The following SETD7 variants were observed in gnomAD, a reference collection of about 807,000 sequenced individuals.
SETD7 encodes the protein SET domain containing 7, histone lysine methyltransferase.
Under a neutral mutation model 41.8 loss-of-function variants are expected in SETD7, and 16 were observed. That is an observed-to-expected ratio of 0.38 (90% CI 0.26 to 0.58). SETD7 has a LOEUF of 0.58. SETD7 is among the 20% of genes least tolerant of loss of function. SETD7 has a pLI of 0.64. For missense variants in SETD7, 346 were observed against 459.7 expected (o/e 0.75, Z 2.26); for synonymous variants, 163 against 169.7 (o/e 0.96, Z 0.31).
chr4:139,553,629 GGAT>G (rs1728173530), intron 1 of SETD7, among the ~76,000 whole-genome samples: 1 of 152,114 alleles, frequency 6.6e-6, no homozygotes, highest in Non-Finnish European at 1.5e-5. Context: ...TGTAAAATTA[GGAT>G]AATATTAGTA....
rs937150959 is a variant in SETD7 at position 139,507,998 on chromosome 4, C to T, written c.*3665G>A. The T allele has an allele frequency of 2.6e-5, 4 of 152,192 alleles. No homozygotes were observed. The highest frequency in any genetic ancestry group is 9.7e-5 in the African/African-American group (4 of 41,444). The allele number at this position is 152,192 out of a possible 1,614,324, so 9.4% of individuals were successfully genotyped here. ...GCAAAACAGAAAATGATACCTCTAC[C>T]TTCTTGGAAGATTTTAAATGCATGT... is the stretch of plus-strand genomic sequence containing the variant. On this transcript the variant is annotated 3_prime_UTR_variant, in exon 8 of 8. Transcript: ENST00000274031.
At chr4:139,525,117 G>C (rs189254278) in intron 4 of SETD7, among the ~76,000 whole-genome samples, 1 of 152,092 alleles carries the variant, frequency 6.6e-6, no homozygotes, top group Non-Finnish European at 1.5e-5. Flanking sequence ...GTGCCCAGCC[G>C]TCACTTTTTA....
At chr4:139,497,224 G>A (rs961344822) in intron 7 of SETD7, among the ~76,000 whole-genome samples, 48 of 152,158 alleles carry the variant, frequency 3.2e-4, no homozygotes, top group Admixed American at 2.7e-3. Flanking sequence ...GGAGGCCGAG[G>A]TGGGCGAATC....
At chr4:139,518,681 A>G (rs1220412209) in intron 6 of SETD7, among the ~76,000 whole-genome samples, 1 of 152,254 alleles carries the variant, frequency 6.6e-6, no homozygotes, top group Admixed American at 6.5e-5. Context: ...AAAACAAAGT[A>G]AGAACACAAA....
intron 2 of SETD7, among the ~76,000 whole-genome samples, chr4:139,533,876 T>C (rs1727560592): frequency 6.6e-6 from 1 of 152,214 alleles, no homozygotes; most frequent in African/African-American, 2.4e-5. Flanking sequence ...TTATTTATCA[T>C]TAATAGCCGT....
chr4:139,528,955 A>G, intron 4 of SETD7, 76 bp downstream of exon 4: 1 of 1,271,870 alleles, frequency 7.9e-7, no homozygotes. Flanking sequence ...AGGAAAAGAA[A>G]AGAAGCTTGT....
chr4:139,541,741 T>G (rs1727783498), intron 2 of SETD7, among the ~76,000 whole-genome samples: 1 of 152,272 alleles, frequency 6.6e-6, no homozygotes, highest in Admixed American at 6.5e-5. Flanking sequence ...CTTAATAAGC[T>G]GGTTGTAGTA....
At chr4:139,517,627 AC>A (rs1307633531) in intron 7 of SETD7, among the ~76,000 whole-genome samples, 1 of 152,152 alleles carries the variant, frequency 6.6e-6, no homozygotes. Flanking sequence ...TAAAACAGCA[AC>A]CCCTCGGTGT....
intron 7 of SETD7, among the ~76,000 whole-genome samples, chr4:139,499,779 G>C (rs1313479838): frequency 6.6e-6 from 1 of 152,132 alleles, no homozygotes; most frequent in African/African-American, 2.4e-5. Context: ...TGCAACATCT[G>C]CTGTTCTCAG....
At chr4:139,523,465 G>A (rs1727237699) in intron 4 of SETD7, 30 bp from the exon 5 acceptor site, 3 of 1,512,536 alleles carry the variant, frequency 2.0e-6, no homozygotes, top group Non-Finnish European at 2.8e-6. Flanking sequence ...ACCAGTATAG[G>A]TGCAGAGTTA....
Position 139,522,807 on chromosome 4 carries a change from G to A in SETD7, c.644+547C>T, listed in dbSNP as rs796793259. ...CTTGCTCTGTTGCTCAGGCTGGAGT[G>A]CAGTGGCATGATCTCGGCTCACTGT... On this transcript the variant is annotated intron_variant, in intron 5 of 7. Coordinates refer to ENST00000274031, the MANE Select transcript of SETD7 (RefSeq NM_030648.4). 3.5e-5 allele frequency among the ~76,000 whole-genome samples: 5 copies of A among 143,966 alleles called. No individual in the cohort carries two copies. The South Asian group carries it at 9.1e-4, about 26-fold the overall frequency. The allele number at this position is 143,966 out of a possible 152,430, so 94.4% of individuals were successfully genotyped here.
intron 7 of SETD7, among the ~76,000 whole-genome samples, chr4:139,517,299 A>G (rs1320170540): frequency 3.9e-5 from 6 of 152,118 alleles, no homozygotes; most frequent in Non-Finnish European, 8.8e-5. Flanking sequence ...ACATGGTGAA[A>G]ACCCATCTCT....
At chr4:139,504,493 T>G (rs1052009088), downstream of SETD7, among the ~76,000 whole-genome samples, 1 of 152,066 alleles carries the variant, frequency 6.6e-6, no homozygotes, top group Non-Finnish European at 1.5e-5. Flanking sequence ...AGAGGAGGAA[T>G]GGAATTTCTT....
chr4:139,556,066 C>G, intron 1 of SETD7, 32 bp downstream of exon 1: 2 of 1,577,424 alleles, frequency 1.3e-6, no homozygotes, highest in Non-Finnish European at 1.7e-6. Context: ...CCCTCTGCGC[C>G]TCCTCCCCCG....
chr4:139,516,266 G>T (rs1239794488), intron 7 of SETD7, among the ~76,000 whole-genome samples: 1 of 122,600 alleles, frequency 8.2e-6, no homozygotes. Flanking sequence ...AGGAGTTCAA[G>T]ACCAGCCTGG....
At position 139,511,770 on chromosome 4, in the gene SETD7, T is replaced by A. The variant is rs1454551556; in HGVS notation, c.994A>T (p.Thr332Ser). Residue 332 changes from threonine to serine, a missense_variant, in exon 8 of 8, where the codon ACC becomes TCC. Coordinates refer to ENST00000274031, the MANE Select transcript of SETD7 (RefSeq NM_030648.4). ...LRAVEADEEL[T>S]VAYGYDHSPP... ...CTGTGGTCATAGCCATAGGCAACGG[T>A]GAGCTCTTCATCGGCCTCCACTGCT... The A allele has an allele frequency of 6.2e-7, 1 of 1,614,064 alleles. No homozygotes were observed. The highest frequency in any genetic ancestry group is 8.5e-7 in the Non-Finnish European group (1 of 1,180,026).
intron 7 of SETD7, among the ~76,000 whole-genome samples, chr4:139,516,958 A>G (rs912780536): frequency 6.6e-6 from 1 of 152,118 alleles, no homozygotes; most frequent in African/African-American, 2.4e-5. Flanking sequence ...TCTACTTTCT[A>G]TCTCTGTGGA....
chr4:139,526,274 A>ATT (rs35426583), intron 4 of SETD7, among the ~76,000 whole-genome samples: 1,580 of 141,302 alleles, frequency 0.011, 23 homozygotes, highest in African/African-American at 0.034. Context: ...ACTCTCAACA[A>ATT]TTTTTTTTTT....
intron 7 of SETD7, among the ~76,000 whole-genome samples, chr4:139,499,258 CCCTT>C (rs1474771678): frequency 6.6e-6 from 1 of 152,190 alleles, no homozygotes; most frequent in Non-Finnish European, 1.5e-5. Flanking sequence ...TTGAACTGGT[CCCTT>C]CCTTGTTCAA....
Sources: allele counts gnomAD v4.1 joint callset (sites outside exome capture counted in the v4.1 genomes callset), GRCh38; gene constraint gnomAD v4.1.1; transcripts MANE v1.5; gene names NCBI Gene and HGNC (gene_info 2026-07-23, HGNC 2026-07-21).